ITFG1: variants seen among roughly 807,000 people sequenced by gnomAD.
ITFG1 encodes the protein integrin alpha FG-GAP repeat containing 1.
Under a neutral mutation model 81.8 loss-of-function variants are expected in ITFG1, and 34 were observed. That is an observed-to-expected ratio of 0.42 (90% CI 0.32 to 0.55). ITFG1 has a LOEUF of 0.55. Among genes scored for constraint, ITFG1 ranks in the 20% least tolerant of loss-of-function variants. The pLI is 0.17. For missense variants in ITFG1, 672 were observed against 755.4 expected, an observed-to-expected ratio of 0.89 and a Z score of 1.29; for synonymous variants, 285 against 270.6, an observed-to-expected ratio of 1.05 and a Z score of -0.52.
At chr16:47,316,649 T>G (rs1341915894) in intron 8 of ITFG1, among the ~76,000 whole-genome samples, 1 of 152,206 alleles carries the variant, frequency 6.6e-6, no homozygotes, top group Non-Finnish European at 1.5e-5. Flanking sequence ...AGCTGTTACT[T>G]AATAGCCTCC....
At chr16:47,453,064 C>T (rs1969408914) in intron 3 of ITFG1, among the ~76,000 whole-genome samples, 1 of 152,140 alleles carries the variant, frequency 6.6e-6, no homozygotes, top group Admixed American at 6.5e-5. Flanking sequence ...GAGTCTTTGT[C>T]TTTACACAAT....
intron 3 of ITFG1, among the ~76,000 whole-genome samples, 182 bp from the exon 4 acceptor site, chr16:47,452,972 A>G (rs1337511526): frequency 2.6e-5 from 4 of 152,198 alleles, no homozygotes; most frequent in Non-Finnish European, 5.9e-5. Context: ...CAAAGACAAA[A>G]TATTGGGAGA....
chr16:47,320,251 C>T (rs1967428399), intron 8 of ITFG1, among the ~76,000 whole-genome samples: 1 of 152,098 alleles, frequency 6.6e-6, no homozygotes, highest in Non-Finnish European at 1.5e-5. Flanking sequence ...TGGTCTTTTA[C>T]CTGCCAGTTT....
At chr16:47,356,101 C>T (rs989855602) in intron 8 of ITFG1, among the ~76,000 whole-genome samples, 3 of 152,068 alleles carry the variant, frequency 2.0e-5, no homozygotes, top group African/African-American at 7.2e-5. Flanking sequence ...AGATCATGTC[C>T]CAGCTCTGCC....
At chr16:47,213,076 C>T (rs1257822892) in intron 14 of ITFG1, among the ~76,000 whole-genome samples, 2 of 152,158 alleles carry the variant, frequency 1.3e-5, no homozygotes, top group Admixed American at 6.5e-5. Flanking sequence ...GGCTGTGTCC[C>T]CAAGTTTTTG....
intron 10 of ITFG1, among the ~76,000 whole-genome samples, chr16:47,268,308 C>A (rs1410054758): frequency 2.0e-5 from 3 of 151,972 alleles, no homozygotes. Flanking sequence ...GGACGAATTC[C>A]CTGGAAGTCA....
At chr16:47,163,946 C>CACACAT (rs1567411015) in intron 14 of ITFG1, among the ~76,000 whole-genome samples, 1 of 148,948 alleles carries the variant, frequency 6.7e-6, no homozygotes, top group Non-Finnish European at 1.5e-5. Context: ...CACACACACA[C>CACACAT]ACACACATAC....
chr16:47,410,665 A>G (rs1460547796), intron 6 of ITFG1, among the ~76,000 whole-genome samples: 1 of 152,126 alleles, frequency 6.6e-6, no homozygotes, highest in East Asian at 1.9e-4. Flanking sequence ...CTCCTAAGGA[A>G]GGTGTGAGTG....
chr16:47,307,093 CAAAAAAAAAAAAA>C (rs371103697), intron 10 of ITFG1, among the ~76,000 whole-genome samples: 51 of 16,470 alleles, frequency 3.1e-3, no homozygotes, highest in Middle Eastern at 0.062. Context: ...AACTCCGTCT[CAAAAAAAAAAAAA>C]AAAAAAAAAA....
chr16:47,437,686 G>A (rs565196968), intron 5 of ITFG1, among the ~76,000 whole-genome samples: 5 of 152,298 alleles, frequency 3.3e-5, no homozygotes, highest in African/African-American at 1.2e-4. Context: ...TGTTTGAAAT[G>A]TTCCATAATA....
chr16:47,405,763 CAT>C (rs1226707439), intron 6 of ITFG1, among the ~76,000 whole-genome samples: 1 of 151,950 alleles, frequency 6.6e-6, no homozygotes. Flanking sequence ...TTATTATTCT[CAT>C]TATTTATTCA....
At chr16:47,179,247 A>G (rs1965068796) in intron 14 of ITFG1, among the ~76,000 whole-genome samples, 1 of 152,226 alleles carries the variant, frequency 6.6e-6, no homozygotes, top group Non-Finnish European at 1.5e-5. Flanking sequence ...AAAGAATTAT[A>G]AATCATGCTG....
intron 14 of ITFG1, among the ~76,000 whole-genome samples, chr16:47,199,302 A>G (rs1327608450): frequency 6.6e-6 from 1 of 152,152 alleles, no homozygotes; most frequent in Non-Finnish European, 1.5e-5. Flanking sequence ...AAAACAAAAA[A>G]ACCAAATTTA....
chr16:47,190,190 T>C (rs1001432769), intron 14 of ITFG1, among the ~76,000 whole-genome samples: 4 of 151,982 alleles, frequency 2.6e-5, no homozygotes, highest in African/African-American at 9.7e-5. Flanking sequence ...ATTTCACTTA[T>C]AAGGGGCCTT....
chr16:47,457,129 G>A (rs1010886804), intron 2 of ITFG1, among the ~76,000 whole-genome samples: 11 of 152,060 alleles, frequency 7.2e-5, no homozygotes, highest in Non-Finnish European at 5.9e-5. Context: ...GGCCAACATG[G>A]TGAAATCCCA....
chr16:47,377,210 C>T (rs1175316467), intron 6 of ITFG1, among the ~76,000 whole-genome samples: 4 of 152,050 alleles, frequency 2.6e-5, no homozygotes, highest in African/African-American at 9.7e-5. Flanking sequence ...ATTAGTTGAA[C>T]TCAAAACTCC....
chr16:47,165,778 T>A (rs145302958), intron 14 of ITFG1, among the ~76,000 whole-genome samples: 15 of 152,264 alleles, frequency 9.9e-5, no homozygotes, highest in African/African-American at 3.4e-4. Context: ...CCAGGGAGGT[T>A]GAGGCTGTAG....
chr16:47,377,261 A>G (rs1968338592), intron 6 of ITFG1, among the ~76,000 whole-genome samples: 2 of 152,168 alleles, frequency 1.3e-5, no homozygotes, highest in African/African-American at 4.8e-5. Flanking sequence ...TGTATCAAAT[A>G]GCTCTGTATT....
upstream of ITFG1, chr16:47,461,091 G>A (rs962391752): frequency 5.4e-6 from 8 of 1,469,142 alleles, no homozygotes; most frequent in African/African-American, 1.4e-5. Flanking sequence ...CGCGCTTGAC[G>A]ACAGCCGCAA....
Sources: gnomAD v4.1 joint callset for allele counts (sites outside exome capture counted in the v4.1 genomes callset) on GRCh38, gnomAD v4.1.1 for gene constraint, MANE v1.5 for transcripts, NCBI Gene and HGNC (gene_info 2026-07-23, HGNC 2026-07-21) for gene names.